TSGA10: variants seen among roughly 807,000 people sequenced by gnomAD.
TSGA10 encodes the protein testis specific 10.
Under a neutral mutation model 96.6 loss-of-function variants are expected in TSGA10, and 43 were observed. That is an observed-to-expected ratio of 0.44 (90% CI 0.35 to 0.57). The LOEUF (loss-of-function observed/expected upper bound fraction) is 0.57. TSGA10 is among the 20% of genes least tolerant of loss of function. The pLI, the probability that TSGA10 is intolerant of heterozygous loss-of-function variation, is 0.01. For synonymous variants in TSGA10, 229 were observed against 269.9 expected, an observed-to-expected ratio of 0.85 and a Z score of 1.48; for missense variants, 703 against 834.4, an observed-to-expected ratio of 0.84 and a Z score of 1.94.
intron 16 of TSGA10, among the ~76,000 whole-genome samples, chr2:99,045,636 A>G (rs1446762891): frequency 6.6e-6 from 1 of 152,226 alleles, no homozygotes; most frequent in African/African-American, 2.4e-5. Context: ...AACATGACAA[A>G]TTGTAAAGAC....
At chr2:99,112,875 T>C (rs532539730) in intron 4 of TSGA10, among the ~76,000 whole-genome samples, 2 of 140,658 alleles carry the variant, frequency 1.4e-5, no homozygotes, top group Non-Finnish European at 3.1e-5. Context: ...CCTTTGTTTG[T>C]GGGGGACAAA....
chr2:99,020,540 A>G (rs2079903613), intron 17 of TSGA10, 58 bp from the exon 18 acceptor site: 1 of 1,318,912 alleles, frequency 7.6e-7, no homozygotes, highest in African/African-American at 1.5e-5. Context: ...TAACTATTAT[A>G]TTATCAGGGA....
chr2:99,116,885 A>G (rs2092300312), intron 4 of TSGA10, among the ~76,000 whole-genome samples: 1 of 152,190 alleles, frequency 6.6e-6, no homozygotes, highest in Non-Finnish European at 1.5e-5. Context: ...TTCTGGGAAT[A>G]CTCCAAATCT....
At position 99,044,926 on chromosome 2, in the gene TSGA10, G is replaced by A. The variant is rs955400389; in HGVS notation, c.1405-9487C>T. The stretch of plus-strand genomic sequence containing the variant: ...GAAACTGAACAACCTGCTCCTGAAT[G>A]ACTACTGGGTACATAACAAAATGAA... On this transcript the variant is annotated intron_variant, in intron 16 of 20. Transcript: ENST00000393483. Among the ~76,000 whole-genome samples the A allele has an allele frequency of 3.9e-5, 6 of 152,142 alleles. No individual in the cohort carries two copies. In the South Asian group the frequency reaches 6.2e-4, roughly 16 times the overall value.
chr2:99,105,369 G>C lies in TSGA10; in HGVS notation c.449C>G (p.Thr150Arg). 6.3e-7 allele frequency: 1 copy of C among 1,582,816 alleles called. No individual in the cohort carries two copies. The highest frequency in any genetic ancestry group is 2.2e-5 in the East Asian group (1 of 44,636). The change falls in exon 9 of 21, where the codon ACA becomes AGA. Residue 150 changes from threonine (T) to arginine (R), a missense_variant. Physicochemically the swap from Thr to Arg is moderately conservative, Grantham distance 71. Coordinates refer to ENST00000393483, the MANE Select transcript of TSGA10 (RefSeq NM_025244.4). ...LEQRIEELEC[T>R]VHNLDDERME... is the part of the protein sequence containing the mutation. ...TTTTTTTTTTTTTACATTATGAACT[G>C]TACACTCCAGCTCCTCTATCCTTTG...
At chr2:99,085,755 G>T (rs2088266644) in intron 10 of TSGA10, among the ~76,000 whole-genome samples, 1 of 121,594 alleles carries the variant, frequency 8.2e-6, no homozygotes, top group Non-Finnish European at 1.6e-5. Flanking sequence ...TGTAGTAGAT[G>T]AAGTTAAAAA....
At chr2:99,043,311 A>C (rs914298272) in intron 16 of TSGA10, among the ~76,000 whole-genome samples, 2 of 152,148 alleles carry the variant, frequency 1.3e-5, no homozygotes, top group Non-Finnish European at 2.9e-5. Flanking sequence ...TAATGAATTT[A>C]AAAAAGATTG....
chr2:99,062,672 C>T (rs1403616958), intron 16 of TSGA10, among the ~76,000 whole-genome samples: 4 of 152,152 alleles, frequency 2.6e-5, no homozygotes, highest in Non-Finnish European at 5.9e-5. Context: ...GAATTGGAGG[C>T]TGCGGTGAGC....
At chr2:99,072,832 C>G (rs1324150799) in intron 13 of TSGA10, among the ~76,000 whole-genome samples, 186 bp downstream of exon 13, 1 of 152,140 alleles carries the variant, frequency 6.6e-6, no homozygotes, top group Non-Finnish European at 1.5e-5. Flanking sequence ...CCCTTCCCTT[C>G]CCCTTATTTT....
chr2:99,074,826 G>C (rs2086490454), intron 12 of TSGA10, among the ~76,000 whole-genome samples: 1 of 152,012 alleles, frequency 6.6e-6, no homozygotes, highest in Non-Finnish European at 1.5e-5. Context: ...GGGTGCAGTG[G>C]TGGGCGCCTA....
chr2:99,083,320 C>G (rs992504888), intron 10 of TSGA10, among the ~76,000 whole-genome samples: 3 of 151,988 alleles, frequency 2.0e-5, no homozygotes, highest in Non-Finnish European at 4.4e-5. Flanking sequence ...TAAGTAAGTA[C>G]AATTCACAGA....
intron 16 of TSGA10, among the ~76,000 whole-genome samples, chr2:99,036,425 T>G (rs2081633043): frequency 6.6e-6 from 1 of 152,152 alleles, no homozygotes; most frequent in South Asian, 2.1e-4. Context: ...TGGTATGTGG[T>G]ATCTGCTCTA....
intron 16 of TSGA10, among the ~76,000 whole-genome samples, chr2:99,055,454 G>A (rs1361558177): frequency 6.6e-6 from 1 of 150,938 alleles, no homozygotes; most frequent in African/African-American, 2.4e-5. Flanking sequence ...TTACTAAGAG[G>A]GTAGATCTTA....
chr2:99,057,145 C>A (rs1405786425), intron 16 of TSGA10, among the ~76,000 whole-genome samples: 1 of 151,702 alleles, frequency 6.6e-6, no homozygotes, highest in Admixed American at 6.6e-5. Context: ...AAATGCTTTC[C>A]CCCTAAAATC....
chr2:99,147,362 T>TA, intron 1 of TSGA10: 1 of 1,087,278 alleles, frequency 9.2e-7, no homozygotes, highest in Non-Finnish European at 1.4e-6. Context: ...CAGATTGATT[T>TA]ATCTCTTTAT....
chr2:98,999,136 T>G (rs761464428), intron 20 of TSGA10, among the ~76,000 whole-genome samples: 5 of 151,874 alleles, frequency 3.3e-5, no homozygotes, highest in Non-Finnish European at 7.4e-5. Flanking sequence ...CCTCAAATGA[T>G]CCTCCCACCT....
intron 17 of TSGA10, among the ~76,000 whole-genome samples, chr2:99,024,520 C>A (rs956408524): frequency 6.6e-6 from 1 of 152,070 alleles, no homozygotes; most frequent in African/African-American, 2.4e-5. Context: ...GTCCTACAAC[C>A]CTGATGCTCA....
At chr2:99,132,939 T>C (rs991602752) in intron 1 of TSGA10, among the ~76,000 whole-genome samples, 2 of 152,220 alleles carry the variant, frequency 1.3e-5, no homozygotes, top group African/African-American at 4.8e-5. Context: ...TCTAATTTGA[T>C]TGCACTGTGG....
At chr2:99,146,216 G>A (rs766275370) in intron 1 of TSGA10, among the ~76,000 whole-genome samples, 11 of 152,206 alleles carry the variant, frequency 7.2e-5, no homozygotes, top group Non-Finnish European at 1.2e-4. Flanking sequence ...CCAGAAAGGC[G>A]GAGGTTGCAA....
Sources: allele counts gnomAD v4.1 joint callset (sites outside exome capture counted in the v4.1 genomes callset), GRCh38; gene constraint gnomAD v4.1.1; transcripts MANE v1.5; gene names NCBI Gene and HGNC (gene_info 2026-07-23, HGNC 2026-07-21).